The following SLC25A42 variants were observed in gnomAD, a reference collection of about 807,000 sequenced individuals.
SLC25A42 encodes solute carrier family 25 member 42, also known as mitochondrial coenzyme A transporter SLC25A42.
Under a neutral mutation model 34.7 loss-of-function variants are expected in SLC25A42, and 19 were observed. The ratio of observed to expected loss-of-function variants is 0.55; its 90% confidence interval spans 0.38 to 0.80. The LOEUF (loss-of-function observed/expected upper bound fraction) is 0.80, where lower values mean the gene tolerates loss of function less well. Among genes scored for constraint, SLC25A42 ranks in the 30% least tolerant of loss-of-function variants. SLC25A42 has a pLI of 0.00. For missense variants in SLC25A42, 364 were observed against 441.3 expected, an observed-to-expected ratio of 0.82 and a Z score of 1.57; for synonymous variants, 205 against 191.2, an observed-to-expected ratio of 1.07 and a Z score of -0.59.
In SLC25A42 at chr19:19,104,956, C is replaced by T. The variant is rs758119686; in HGVS notation, c.213+18C>T. 4.3e-6 allele frequency: 7 copies of T among 1,614,080 alleles called. No individual in the cohort carries two copies. The highest frequency in any genetic ancestry group is 1.7e-5 in the Admixed American group (1 of 60,018). On this transcript the variant is annotated intron_variant, in intron 4 of 7. Coordinates refer to ENST00000318596, the MANE Select transcript of SLC25A42 (RefSeq NM_178526.5). Reference sequence around the variant, plus strand: ...CTGCCAAGGTGAGCCACTATGTCACCGCCCCGGCCTGGGGACAGTCACCAC... The same window carrying T: ...CTGCCAAGGTGAGCCACTATGTCACTGCCCCGGCCTGGGGACAGTCACCAC...
chr19:19,091,245 TAAG>T, intron 1 of SLC25A42, among the ~76,000 whole-genome samples: 1 of 152,030 alleles, frequency 6.6e-6, no homozygotes, highest in South Asian at 2.1e-4. Flanking sequence ...TCACCTGAGG[TAAG>T]GAGTTTGAGA....
chr19:19,085,691 T>C (rs1007955114), intron 1 of SLC25A42, among the ~76,000 whole-genome samples: 8 of 152,152 alleles, frequency 5.3e-5, no homozygotes, highest in Non-Finnish European at 1.0e-4. Context: ...TATTGTGTTG[T>C]ATGGGTGCCT....
chr19:19,107,321 A>AAAC (rs1245675279), intron 6 of SLC25A42, among the ~76,000 whole-genome samples: 2 of 151,166 alleles, frequency 1.3e-5, no homozygotes, highest in Non-Finnish European at 2.9e-5. Flanking sequence ...GTCTCCAAAA[A>AAAC]AAAAAAAACA....
intron 3 of SLC25A42, among the ~76,000 whole-genome samples, chr19:19,103,885 CTTATTTATTTATTTATTTATTTAT>C (rs3040514): frequency 1.3e-5 from 2 of 148,410 alleles, no homozygotes; most frequent in Non-Finnish European, 3.0e-5. Context: ...AAGGGACAGC[CTTATTTATTTATTTATTTATTTAT>C]TTATTTATTT....
intron 7 of SLC25A42, 21 bp from the exon 8 acceptor site, chr19:19,110,548 C>T: frequency 7.2e-7 from 1 of 1,381,968 alleles, no homozygotes; most frequent in African/African-American, 1.5e-5. Flanking sequence ...CTTCACGGCC[C>T]TCCCGCCCCT....
At chr19:19,106,781 A>C (rs2059831799) in intron 6 of SLC25A42, 3 of 151,834 alleles carry the variant, frequency 2.0e-5, no homozygotes, top group Admixed American at 2.0e-4. Flanking sequence ...AAAAATACAA[A>C]AATTAGCCGG....
chr19:19,070,584 TC>T (rs764447795), intron 1 of SLC25A42, among the ~76,000 whole-genome samples: 3 of 152,010 alleles, frequency 2.0e-5, no homozygotes, highest in Non-Finnish European at 4.4e-5. Context: ...TGTGAACCAC[TC>T]CCGGCCGATC....
intron 1 of SLC25A42, among the ~76,000 whole-genome samples, chr19:19,094,922 C>T (rs566372296): frequency 1.2e-4 from 18 of 152,048 alleles, no homozygotes; most frequent in African/African-American, 3.9e-4. Context: ...CAGTCGGACG[C>T]GGTGGCTCAT....
chr19:19,087,299 TG>T (rs896880835), intron 1 of SLC25A42, among the ~76,000 whole-genome samples: 10 of 152,260 alleles, frequency 6.6e-5, no homozygotes, highest in African/African-American at 1.9e-4. Context: ...CTTTTTGGTG[TG>T]TGTTTGTGAC....
Position 19,081,429 on chromosome 19 carries a change from G to A in SLC25A42, c.-34-14662G>A, listed in dbSNP as rs1039527213. Among the ~76,000 whole-genome samples, 1 of 152,196 alleles carries A rather than the reference G, an allele frequency of 6.6e-6. No homozygotes were observed. The highest frequency in any genetic ancestry group is 2.4e-5 in the African/African-American group (1 of 41,458). ...TTAAATAAACAGAAGCATGTTTCAT[G>A]TTTTGTCCTCATAGCGTCCCTGGCA... On this transcript the variant is annotated intron_variant, in intron 1 of 7. Transcript: ENST00000318596. This position sits in a 1 kb window ranked among gnomAD's most constrained non-coding sequence, Gnocchi z 4.5.
chr19:19,106,272 C>A lies in SLC25A42; in HGVS notation c.384C>A (p.Ala128=), dbSNP rs61740506. Residue 128 remains alanine, a synonymous_variant, in exon 6 of 8, where the codon GCC becomes GCA. Coordinates refer to ENST00000318596, the MANE Select transcript of SLC25A42 (RefSeq NM_178526.5). ...CTTCTCCTCCTGCCCTGTTCAGAGC[C>A]CTGCCCCCTTGGCCTCGCCTCTTCG... ...LGSYYGFRGE[A]LPPWPRLFAG... 8.4e-3 allele frequency: 13,456 copies of A among 1,611,194 alleles called. 272 individuals carry two copies. The highest frequency in any genetic ancestry group is 0.078 in the African/African-American group (5,830 of 75,034).
intron 4 of SLC25A42, chr19:19,105,306 C>G: frequency 1.7e-6 from 1 of 581,116 alleles, no homozygotes; most frequent in Non-Finnish European, 3.0e-6. Flanking sequence ...GCCTGGTTCG[C>G]TTTGCAGTCC....
chr19:19,107,712 G>C (rs1174833297), intron 6 of SLC25A42, among the ~76,000 whole-genome samples, 182 bp from the exon 7 acceptor site: 2 of 152,202 alleles, frequency 1.3e-5, no homozygotes, highest in African/African-American at 4.8e-5. Context: ...GCTTACGCAT[G>C]CATTTCCCCT....
At chr19:19,101,907 G>A (rs778650745) in intron 3 of SLC25A42, 21 bp downstream of exon 3, 2 of 1,591,800 alleles carry the variant, frequency 1.3e-6, no homozygotes, top group East Asian at 2.3e-5. Context: ...GCCATCCCCA[G>A]GTGCTAGAGA....
intron 1 of SLC25A42, among the ~76,000 whole-genome samples, chr19:19,065,024 C>T (rs10403808): frequency 0.023 from 3,578 of 152,298 alleles, 134 homozygotes; most frequent in African/African-American, 0.082. Flanking sequence ...GCCTATTCTA[C>T]CCTGGGCATC....
Position 19,105,943 on chromosome 19 carries a change from T to G in SLC25A42, c.380+216T>G, listed in dbSNP as rs1307471245. The stretch of plus-strand genomic sequence containing the variant: ...TATTCTGTCTTCAGAGCTCCTCTCC[T>G]TTGCCCGTTTGTCTCCAGACGTTTC... On this transcript the variant is annotated intron_variant, in intron 5 of 7. Transcript: ENST00000318596. 8.8e-6 allele frequency: 5 copies of G among 567,338 alleles called. No homozygotes were observed. In the East Asian group the frequency reaches 1.2e-4, roughly 13 times the overall value. The allele number at this position is 567,338 out of a possible 1,614,324, so 35.1% of individuals were successfully genotyped here.
intron 1 of SLC25A42, among the ~76,000 whole-genome samples, chr19:19,078,641 T>C (rs1397598333): frequency 6.6e-6 from 1 of 152,146 alleles, no homozygotes; most frequent in Admixed American, 6.5e-5. Flanking sequence ...CAGCAGCTAA[T>C]CTAATTCCAA....
intron 3 of SLC25A42, among the ~76,000 whole-genome samples, chr19:19,103,062 TTTCTC>T (rs1394120571): frequency 6.6e-6 from 1 of 152,088 alleles, no homozygotes; most frequent in Non-Finnish European, 1.5e-5. Flanking sequence ...GTGTGTCTGT[TTTCTC>T]TCTCTCTCTT....
rs879212594 is a variant in SLC25A42, at chr19:19,106,510, C to A, written c.497+125C>A. On this transcript the variant is annotated intron_variant, in intron 6 of 7. Coordinates refer to ENST00000318596, the MANE Select transcript of SLC25A42 (RefSeq NM_178526.5). ...CATCTGGGCCTCCGTGTCCACAGGG[C>A]AGGCCTGATGTGTCATTCTGCAGCT... 5.8e-6 allele frequency: 4 copies of A among 684,998 alleles called. No homozygotes were observed. The South Asian group carries it at 7.8e-5, about 13-fold the overall frequency. 42.4% of individuals were successfully genotyped at this position (684,998 alleles called of 1,614,324 possible).
Sources: gnomAD v4.1 joint callset for allele counts (sites outside exome capture counted in the v4.1 genomes callset) on GRCh38, gnomAD v4.1.1 for gene constraint, Gnocchi (gnomAD v3.1) non-coding constraint, MANE v1.5 for transcripts, NCBI Gene and HGNC (gene_info 2026-07-23, HGNC 2026-07-21) for gene names.